Variants in PPIP5K2 observed in about 807,000 individuals in gnomAD.
PPIP5K2 encodes the protein inositol hexakisphosphate and diphosphoinositol-pentakisphosphate kinase 2.
Under a neutral mutation model 154.6 loss-of-function variants are expected in PPIP5K2, and 105 were observed. The observed-to-expected ratio is 0.68, with a 90% CI of 0.58 to 0.80. The LOEUF (loss-of-function observed/expected upper bound fraction) is 0.80. Among genes scored for constraint, PPIP5K2 ranks in the 30% least tolerant of loss-of-function variants. The pLI is 0.00. For missense variants in PPIP5K2, 992 were observed against 1,504.6 expected, an observed-to-expected ratio of 0.66 and a Z score of 5.64; for synonymous variants, 480 against 490.3, an observed-to-expected ratio of 0.98 and a Z score of 0.28.
chr5:103,161,135 G>C (rs1374027669), intron 17 of PPIP5K2, among the ~76,000 whole-genome samples: 2 of 119,426 alleles, frequency 1.7e-5, no homozygotes, highest in African/African-American at 6.4e-5. Flanking sequence ...ACAGGCCCCA[G>C]TGTATGATGT....
intron 10 of PPIP5K2, 97 bp from the exon 11 acceptor site, chr5:103,153,751 T>C: frequency 2.7e-6 from 2 of 739,926 alleles, no homozygotes; most frequent in Non-Finnish European, 4.4e-6. Flanking sequence ...TGGTAAAAGA[T>C]GGCTTTAAAT....
chr5:103,133,676 C>G (rs782567797), intron 3 of PPIP5K2, 28 bp downstream of exon 3: 21 of 1,499,728 alleles, frequency 1.4e-5, no homozygotes, highest in Non-Finnish European at 1.9e-5. Flanking sequence ...GGAGAAACTC[C>G]TTTATCCTCT....
rs1468221148 is a variant in PPIP5K2 at position 103,206,745 on chromosome 5, C to G, written c.*5111C>G. The G allele has an allele frequency of 6.6e-6, 1 of 152,216 alleles. No individual in the cohort carries two copies. The highest frequency in any genetic ancestry group is 1.9e-4 in the East Asian group (1 of 5,192). 9.4% of individuals were successfully genotyped at this position (152,216 alleles called of 1,614,324 possible). Reference sequence around the variant, plus strand: ...CCAAAAAGGAAAGTAGGGCCAGCTCCTTGTTGTTCCATTTTTCCCCTACCA... The same window carrying G: ...CCAAAAAGGAAAGTAGGGCCAGCTCGTTGTTGTTCCATTTTTCCCCTACCA... On this transcript the variant is annotated 3_prime_UTR_variant, in exon 31 of 31. Transcript: ENST00000358359.
Position 103,209,012 on chromosome 5 carries a change from C to A in PPIP5K2, c.*7378C>A, listed in dbSNP as rs1803662618. Reference sequence around the variant, plus strand: ...GGAGGAGGAAGAAGAACAAAAGAAGCCTGCCTCTCTTTAGACTGCCCATCT... The same window carrying A: ...GGAGGAGGAAGAAGAACAAAAGAAGACTGCCTCTCTTTAGACTGCCCATCT... On this transcript the variant is annotated 3_prime_UTR_variant, in exon 31 of 31. Transcript: ENST00000358359. 6.6e-6 allele frequency: 1 copy of A among 152,124 alleles called. No individual in the cohort carries two copies. The highest frequency in any genetic ancestry group is 6.6e-5 in the Admixed American group (1 of 15,264). The allele number at this position is 152,124 out of a possible 1,614,324, so 9.4% of individuals were successfully genotyped here. A position where few individuals can be genotyped will look rare whatever the true frequency, so the allele number is the denominator to read the frequency against.
At chr5:103,177,005 T>C (rs1431544516) in intron 21 of PPIP5K2, 1 of 848,744 alleles carries the variant, frequency 1.2e-6, no homozygotes, top group Non-Finnish European at 1.7e-6. Context: ...CTATATTGCA[T>C]ACATGAACTA....
intron 9 of PPIP5K2, 82 bp downstream of exon 9, chr5:103,151,456 G>A (rs1794637463): frequency 2.6e-6 from 3 of 1,166,274 alleles, no homozygotes; most frequent in East Asian, 2.4e-5. Context: ...AAATGATCAG[G>A]GTTTTTAAGC....
intron 14 of PPIP5K2, among the ~76,000 whole-genome samples, chr5:103,157,106 C>T (rs1795527267): frequency 6.6e-6 from 1 of 152,094 alleles, no homozygotes; most frequent in Admixed American, 6.6e-5. Flanking sequence ...CACAGAACCG[C>T]TAACTTGCTG....
At chr5:103,181,459 T>C (rs1799536342) in intron 24 of PPIP5K2, among the ~76,000 whole-genome samples, 1 of 151,870 alleles carries the variant, frequency 6.6e-6, no homozygotes, top group Non-Finnish European at 1.5e-5. Context: ...TCCCAGCTAC[T>C]TGGGAGGCTG....
At chr5:103,168,573 G>A (rs1797484771) in intron 19 of PPIP5K2, among the ~76,000 whole-genome samples, 1 of 151,698 alleles carries the variant, frequency 6.6e-6, no homozygotes, top group Non-Finnish European at 1.5e-5. Context: ...AAGGTACAAA[G>A]ATTTCCCATA....
chr5:103,174,565 C>A (rs1377059481), intron 21 of PPIP5K2, among the ~76,000 whole-genome samples: 2 of 152,042 alleles, frequency 1.3e-5, no homozygotes, highest in African/African-American at 2.4e-5. Flanking sequence ...GGTTATCAAG[C>A]AGAACACCTA....
intron 4 of PPIP5K2, 71 bp downstream of exon 4, chr5:103,136,893 A>G (rs1371128934): frequency 9.4e-7 from 1 of 1,067,714 alleles, no homozygotes; most frequent in Non-Finnish European, 1.4e-6. Context: ...GTACACTGAC[A>G]TGGCATCAGG....
At chr5:103,180,769 G>A (rs2149743475) in intron 24 of PPIP5K2, among the ~76,000 whole-genome samples, 1 of 149,868 alleles carries the variant, frequency 6.7e-6, no homozygotes, top group East Asian at 2.0e-4. Context: ...AGAATGACGT[G>A]AATCCAGGAG....
intron 13 of PPIP5K2, among the ~76,000 whole-genome samples, chr5:103,155,693 T>C (rs1180368933): frequency 6.6e-6 from 1 of 152,054 alleles, no homozygotes; most frequent in Non-Finnish European, 1.5e-5. Context: ...CCCAAAGTGC[T>C]GGGATTACAG....
At chr5:103,192,813 A>G (rs1801446119) in intron 29 of PPIP5K2, among the ~76,000 whole-genome samples, 1 of 152,116 alleles carries the variant, frequency 6.6e-6, no homozygotes, top group Admixed American at 6.6e-5. Flanking sequence ...TCATGGATAC[A>G]AATTGTACCT....
chr5:103,190,887 C>G lies in PPIP5K2; in HGVS notation c.3398C>G (p.Thr1133Ser). 3.7e-6 allele frequency: 6 copies of G among 1,608,458 alleles called. No homozygotes were observed. Among genetic ancestry groups the G allele is most frequent in the Non-Finnish European group, 5.1e-6 (6 of 1,176,918 alleles). The change falls in exon 29 of 31, where the codon ACT becomes AGT. Residue 1133 changes from threonine to serine, a missense_variant. Physicochemically the swap from Thr to Ser is moderately conservative, Grantham distance 58. This residue lies in a region of PPIP5K2 where 29 missense variants were observed against 56.4 expected (regional missense o/e 0.51). Transcript: ENST00000358359. ...GTGCCATCTATTTGTCCTCTAGAAA[C>G]TCTTCATAATGCCCTATCTTTAAAG... ...SMVPSICPLE[T>S]LHNALSLKQV...
At chr5:103,172,929 G>A (rs978276892) in intron 19 of PPIP5K2, among the ~76,000 whole-genome samples, 1 of 151,750 alleles carries the variant, frequency 6.6e-6, no homozygotes, top group Non-Finnish European at 1.5e-5. Context: ...TCCGCCTTCA[G>A]AAATTACTGG....
chr5:103,138,284 A>G (rs781891422), intron 4 of PPIP5K2, 100 bp from the exon 5 acceptor site: 7 of 573,558 alleles, frequency 1.2e-5, no homozygotes, highest in Non-Finnish European at 2.0e-5. Flanking sequence ...TACCCTTTTT[A>G]GTTATAGAAC....
At position 103,158,303 on chromosome 5, in the gene PPIP5K2, T is replaced by C. The variant is rs782365826; in HGVS notation, c.1605T>C (p.Pro535=). 3.7e-6 allele frequency: 6 copies of C among 1,612,964 alleles called. No individual in the cohort carries two copies. In the East Asian group the frequency reaches 8.9e-5, roughly 24 times the overall value. ...GAAGAGCCTTCAGGTGTATGTATCC[T>C]GGAGGTCAAGGTAAATCTTAGAGTT... ...ELGRAFRCMY[P]GGQGDYAGFP... Residue 535 remains proline, a synonymous_variant, in exon 15 of 31, where the codon CCT becomes CCC. Coordinates refer to ENST00000358359, the MANE Select transcript of PPIP5K2 (RefSeq NM_001276277.3).
At chr5:103,181,720 T>A (rs1799581445) in intron 24 of PPIP5K2, among the ~76,000 whole-genome samples, 1 of 152,174 alleles carries the variant, frequency 6.6e-6, no homozygotes, top group African/African-American at 2.4e-5. Flanking sequence ...TATAGCATTT[T>A]TTAGCATTTA....
Sources: allele counts gnomAD v4.1 joint callset (sites outside exome capture counted in the v4.1 genomes callset), GRCh38; gene constraint gnomAD v4.1.1; regional missense constraint gnomAD v4.1.1; transcripts MANE v1.5; gene names NCBI Gene and HGNC (gene_info 2026-07-23, HGNC 2026-07-21).